The following TENM3 variants were observed in gnomAD, a reference collection of about 807,000 sequenced individuals.
TENM3 encodes the protein teneurin-3.
In TENM3, 63 loss-of-function variants were observed where a neutral mutation model predicts 255.1. That is an observed-to-expected ratio of 0.25 (90% CI 0.20 to 0.30). TENM3 has a LOEUF of 0.30. Among genes scored for constraint, TENM3 ranks in the 10% least tolerant of loss-of-function variants. The pLI, the probability that TENM3 is intolerant of heterozygous loss-of-function variation, is 1.00. For missense variants in TENM3, 2,929 were observed against 3,461.1 expected (o/e 0.85, Z 3.86); for synonymous variants, 1,306 against 1,322.3 (o/e 0.99, Z 0.27).
the TENM3 span, among the ~76,000 whole-genome samples, chr4:181,669,182 A>AGTTTATTG: frequency 1.3e-5 from 2 of 152,038 alleles, no homozygotes; most frequent in Non-Finnish European, 2.9e-5. Flanking sequence ...ATTTGGTAAC[A>AGTTTATTG]ATAATAGTTA....
the TENM3 span, among the ~76,000 whole-genome samples, chr4:181,575,387 A>T: frequency 6.6e-6 from 1 of 152,138 alleles, no homozygotes; most frequent in Non-Finnish European, 1.5e-5. Flanking sequence ...TTACAATTCG[A>T]TGGTAATGTC....
chr4:182,722,968 G>A (rs1002674666), intron 13 of TENM3, among the ~76,000 whole-genome samples: 11 of 152,220 alleles, frequency 7.2e-5, no homozygotes, highest in East Asian at 1.9e-4. Context: ...GAAGCTGAGC[G>A]GGGTGGATGG....
At chr4:181,643,959 C>T in the TENM3 span, among the ~76,000 whole-genome samples, 1 of 151,618 alleles carries the variant, frequency 6.6e-6, no homozygotes, top group East Asian at 1.9e-4. Context: ...TGGTGCATGC[C>T]CACCTACTTG....
At chr4:181,605,557 A>G in the TENM3 span, among the ~76,000 whole-genome samples, 1 of 28,694 alleles carries the variant, frequency 3.5e-5, no homozygotes, top group South Asian at 1.8e-3. Context: ...AAAGAAAGAA[A>G]GAAAGAAAGA....
chr4:181,889,363 A>G, the TENM3 span, among the ~76,000 whole-genome samples: 1 of 152,124 alleles, frequency 6.6e-6, no homozygotes, highest in African/African-American at 2.4e-5. Context: ...TATGATTAGA[A>G]GCTTTCTGAG....
chr4:181,908,211 G>C, the TENM3 span, among the ~76,000 whole-genome samples: 7 of 152,200 alleles, frequency 4.6e-5, no homozygotes, highest in Non-Finnish European at 7.4e-5. Context: ...AAAATTCAAT[G>C]TGCCCATATA....
chr4:182,112,658 A>G, the TENM3 span, among the ~76,000 whole-genome samples: 5 of 152,124 alleles, frequency 3.3e-5, no homozygotes, highest in Non-Finnish European at 7.4e-5. Context: ...TCTGTTTCCC[A>G]TTCTCCTCCT....
At chr4:182,359,821 G>A (rs1197878587) in intron 3 of TENM3, among the ~76,000 whole-genome samples, 17 of 151,628 alleles carry the variant, frequency 1.1e-4, no homozygotes, top group Non-Finnish European at 1.9e-4. Context: ...TTAGGGTGTC[G>A]ATTTTGGATC....
chr4:182,744,093 CTTTTTTTTTTTTTTTTT>C lies in TENM3; in HGVS notation c.3629+681_3629+697del. On this transcript the variant is annotated intron_variant, in intron 19 of 27. Transcript: ENST00000511685. ...TAGAAGGCTTTTCTAACTGTGCTTT[CTTTTTTTTTTTTTTTTT>C]TTTTTTACCTTTTTTTATCTGCTTC... is the stretch of plus-strand genomic sequence containing the variant. 8.9e-6 allele frequency: 4 copies of C among 448,210 alleles called. No individual in the cohort carries two copies. The South Asian group carries it at 3.0e-4, about 34-fold the overall frequency. 27.8% of individuals were successfully genotyped at this position (448,210 alleles called of 1,614,324 possible).
At chr4:182,451,644 C>T (rs1773470890) in intron 3 of TENM3, among the ~76,000 whole-genome samples, 1 of 152,178 alleles carries the variant, frequency 6.6e-6, no homozygotes, top group African/African-American at 2.4e-5. Context: ...GCCACCAGAA[C>T]AGCGTTGCTA....
At chr4:182,224,523 A>C (rs1020351481) in intron 1 of TENM3, among the ~76,000 whole-genome samples, 1 of 152,192 alleles carries the variant, frequency 6.6e-6, no homozygotes, top group Non-Finnish European at 1.5e-5. Context: ...AAATTTCAAA[A>C]TTATTGTTAT....
chr4:182,261,200 T>C (rs147196704), intron 1 of TENM3, among the ~76,000 whole-genome samples: 187 of 152,310 alleles, frequency 1.2e-3, no homozygotes, highest in African/African-American at 2.8e-3. Flanking sequence ...AAATAGTCAC[T>C]CATCCATTCA....
At chr4:182,342,974 T>C (rs576117108) in intron 2 of TENM3, among the ~76,000 whole-genome samples, 1 of 152,322 alleles carries the variant, frequency 6.6e-6, no homozygotes, top group African/African-American at 2.4e-5. Context: ...CCAATCTCCT[T>C]CTTTTATTAA....
At chr4:181,529,824 T>C in the TENM3 span, among the ~76,000 whole-genome samples, 1 of 152,152 alleles carries the variant, frequency 6.6e-6, no homozygotes, top group African/African-American at 2.4e-5. Flanking sequence ...TTGGAAAATA[T>C]TTGTTGAATT....
the TENM3 span, among the ~76,000 whole-genome samples, chr4:181,647,171 A>T: frequency 1.3e-5 from 2 of 152,228 alleles, no homozygotes; most frequent in Non-Finnish European, 2.9e-5. Flanking sequence ...GAACATGATG[A>T]CAACCTAAGA....
intron 1 of TENM3, among the ~76,000 whole-genome samples, chr4:182,255,425 C>CG (rs1219937028): frequency 1.6e-4 from 24 of 152,190 alleles, no homozygotes; most frequent in African/African-American, 5.3e-4. Context: ...CCCGCTGTCT[C>CG]GTTCACTCCC....
At chr4:182,035,907 C>T in the TENM3 span, among the ~76,000 whole-genome samples, 1 of 152,182 alleles carries the variant, frequency 6.6e-6, no homozygotes, top group South Asian at 2.1e-4. Context: ...TCCTGCTACA[C>T]CACCAAGTCA....
At chr4:181,972,239 A>C in the TENM3 span, among the ~76,000 whole-genome samples, 1 of 151,852 alleles carries the variant, frequency 6.6e-6, no homozygotes, top group Non-Finnish European at 1.5e-5. Flanking sequence ...CTGGGCAGCA[A>C]GATAAAGCCC....
At chr4:181,957,292 A>G in the TENM3 span, among the ~76,000 whole-genome samples, 151 of 152,338 alleles carry the variant, frequency 9.9e-4, 1 homozygote, top group African/African-American at 3.5e-3. Flanking sequence ...GACCACGGCC[A>G]GCATCACACA....
Sources: gnomAD v4.1 joint callset for allele counts (sites outside exome capture counted in the v4.1 genomes callset) on GRCh38, gnomAD v4.1.1 for gene constraint, MANE v1.5 for transcripts, NCBI Gene and HGNC (gene_info 2026-07-23, HGNC 2026-07-21) for gene names.